Variants in KCNH1 observed in about 807,000 individuals in gnomAD.
KCNH1 encodes voltage-gated delayed rectifier potassium channel KCNH1.
KCNH1 carries 27 observed loss-of-function variants against 69.2 expected under a neutral mutation model. The ratio of observed to expected loss-of-function variants is 0.39; its 90% confidence interval spans 0.29 to 0.54. The LOEUF (loss-of-function observed/expected upper bound fraction) is 0.54, where lower values mean the gene tolerates loss of function less well. Ranked by LOEUF, KCNH1 falls within the 20% of genes least tolerant of loss-of-function variation. The pLI is 0.68. For synonymous variants in KCNH1, 456 were observed against 487.7 expected (o/e 0.93, Z 0.86); for missense variants, 798 against 1,261.6 (o/e 0.63, Z 5.57).
chr1:210,793,123 T>C (rs1010103508), intron 9 of KCNH1, among the ~76,000 whole-genome samples: 2 of 152,170 alleles, frequency 1.3e-5, no homozygotes, highest in Admixed American at 6.5e-5. Context: ...TGAGAAGCCA[T>C]TAAGTGATTT....
chr1:211,054,240 T>G (rs913332421), intron 5 of KCNH1, among the ~76,000 whole-genome samples: 7 of 151,336 alleles, frequency 4.6e-5, no homozygotes, highest in African/African-American at 1.7e-4. Context: ...CAAGATGGCG[T>G]CCCTGCACTC....
In KCNH1 at chr1:210,847,344, C is replaced by T. The variant is rs193061008; in HGVS notation, c.1463-43178G>A. 7.8e-4 allele frequency among the ~76,000 whole-genome samples: 119 copies of T among 152,126 alleles called. 1 individual carries two copies. Among genetic ancestry groups the T allele is most frequent in the African/African-American group, 2.4e-3 (99 of 41,488 alleles). Reference sequence around the variant, plus strand: ...TGGAACCAATCCAAATGTCCAACAACGATAGACTGGATTAAGAAAATGTGG... The same window carrying T: ...TGGAACCAATCCAAATGTCCAACAATGATAGACTGGATTAAGAAAATGTGG... On this transcript the variant is annotated intron_variant, in intron 7 of 10. Coordinates refer to ENST00000271751, the MANE Select transcript of KCNH1 (RefSeq NM_172362.3).
intron 1 of KCNH1, among the ~76,000 whole-genome samples, chr1:211,108,266 G>A (rs959730994): frequency 4.6e-5 from 7 of 152,098 alleles, no homozygotes; most frequent in Admixed American, 1.3e-4. Context: ...GAACTTAAAT[G>A]TAATCATTAT....
intron 7 of KCNH1, among the ~76,000 whole-genome samples, chr1:210,886,845 G>GA (rs1344775538): frequency 6.6e-6 from 1 of 151,906 alleles, no homozygotes; most frequent in African/African-American, 2.4e-5. Flanking sequence ...CAAAATTCGA[G>GA]AAAAAAGAAT....
chr1:211,003,409 T>C (rs1011897547), intron 6 of KCNH1, among the ~76,000 whole-genome samples: 1 of 152,210 alleles, frequency 6.6e-6, no homozygotes, highest in Non-Finnish European at 1.5e-5. Context: ...CTTCACACTA[T>C]CTCTCTGCTT....
chr1:210,959,543 T>C (rs879915444), intron 6 of KCNH1, among the ~76,000 whole-genome samples: 1 of 152,226 alleles, frequency 6.6e-6, no homozygotes, highest in Non-Finnish European at 1.5e-5. Flanking sequence ...CTAGAGGCAG[T>C]AGGCCTTGTT....
At chr1:210,946,281 G>A (rs1687957012) in intron 6 of KCNH1, among the ~76,000 whole-genome samples, 1 of 152,094 alleles carries the variant, frequency 6.6e-6, no homozygotes, top group Non-Finnish European at 1.5e-5. Context: ...CCAGAAAACA[G>A]CCCCAGGATA....
At chr1:211,009,856 G>A (rs935187447) in intron 6 of KCNH1, among the ~76,000 whole-genome samples, 8 of 152,114 alleles carry the variant, frequency 5.3e-5, no homozygotes, top group African/African-American at 1.7e-4. Flanking sequence ...TGTCCTGCTC[G>A]CCTCAGCCTC....
chr1:210,788,991 C>T (rs1052253065), intron 9 of KCNH1, among the ~76,000 whole-genome samples: 3 of 152,130 alleles, frequency 2.0e-5, no homozygotes, highest in Admixed American at 6.6e-5. Flanking sequence ...CCACCGCGCC[C>T]GGCCTATAGC....
chr1:210,837,576 C>T (rs777967525), intron 7 of KCNH1, among the ~76,000 whole-genome samples: 19 of 152,156 alleles, frequency 1.2e-4, no homozygotes, highest in Admixed American at 5.2e-4. Flanking sequence ...GGCTTGGAAA[C>T]TAGAATCAAG....
At position 210,830,208 on chromosome 1, in the gene KCNH1, T is replaced by G. The variant is rs192743755; in HGVS notation, c.1463-26042A>C. Among the ~76,000 whole-genome samples, 31 of 152,260 alleles carry G rather than the reference T, an allele frequency of 2.0e-4. No individual in the cohort carries two copies. The East Asian group carries it at 5.6e-3, about 27-fold the overall frequency. On this transcript the variant is annotated intron_variant, in intron 7 of 10. Coordinates refer to ENST00000271751, the MANE Select transcript of KCNH1 (RefSeq NM_172362.3). ...GCCACTCCCTCTCCCTGAAATGCCTTCCCCGTCATCTGCCTACAAACTCCT... is the reference window on the plus strand; with the variant it reads ...GCCACTCCCTCTCCCTGAAATGCCTGCCCCGTCATCTGCCTACAAACTCCT...
intron 5 of KCNH1, among the ~76,000 whole-genome samples, chr1:211,073,794 G>A (rs1012428480): frequency 6.6e-6 from 1 of 151,754 alleles, no homozygotes; most frequent in African/African-American, 2.4e-5. Context: ...TTCTGCTTTA[G>A]GAAACTAAAA....
At chr1:210,996,300 C>A (rs1689035242) in intron 6 of KCNH1, among the ~76,000 whole-genome samples, 1 of 152,188 alleles carries the variant, frequency 6.6e-6, no homozygotes, top group Admixed American at 6.5e-5. Flanking sequence ...GTGCGCTTTT[C>A]CAACGGGCTT....
intron 10 of KCNH1, among the ~76,000 whole-genome samples, chr1:210,733,082 G>C (rs551636457): frequency 6.6e-6 from 1 of 152,164 alleles, no homozygotes; most frequent in Non-Finnish European, 1.5e-5. Context: ...TTTGGTGACA[G>C]AAGAACCAGA....
intron 6 of KCNH1, among the ~76,000 whole-genome samples, chr1:210,978,344 A>C (rs1364239457): frequency 6.6e-6 from 1 of 152,068 alleles, no homozygotes; most frequent in African/African-American, 2.4e-5. Flanking sequence ...GGCCTCCTTT[A>C]ATTCTTTAAA....
chr1:211,013,639 G>C (rs1344506785), intron 6 of KCNH1, among the ~76,000 whole-genome samples: 1 of 152,200 alleles, frequency 6.6e-6, no homozygotes, highest in Non-Finnish European at 1.5e-5. Flanking sequence ...CAAAACAGCT[G>C]CCATCAGGCA....
At chr1:210,734,358 T>C (rs1468475044) in intron 10 of KCNH1, among the ~76,000 whole-genome samples, 1 of 152,108 alleles carries the variant, frequency 6.6e-6, no homozygotes, top group Non-Finnish European at 1.5e-5. Flanking sequence ...AGTCACAACA[T>C]TGGTTGACTG....
intron 7 of KCNH1, among the ~76,000 whole-genome samples, chr1:210,910,180 C>T (rs1353707629): frequency 7.0e-6 from 1 of 142,902 alleles, no homozygotes; most frequent in Non-Finnish European, 1.5e-5. Flanking sequence ...TCGTCAAGCA[C>T]CAAAAAAAAA....
chr1:210,965,409 T>TA (rs551229910), intron 6 of KCNH1, among the ~76,000 whole-genome samples: 122 of 151,772 alleles, frequency 8.0e-4, no homozygotes, highest in Admixed American at 3.0e-3. Context: ...AGTCTCATGG[T>TA]AAAAAAAATC....
Sources: gnomAD v4.1 joint callset for allele counts (sites outside exome capture counted in the v4.1 genomes callset) on GRCh38, gnomAD v4.1.1 for gene constraint, MANE v1.5 for transcripts, NCBI Gene and HGNC (gene_info 2026-07-23, HGNC 2026-07-21) for gene names.